MGAM: variants seen among roughly 807,000 people sequenced by gnomAD.
MGAM encodes maltase-glucoamylase.
MGAM carries 253 observed loss-of-function variants against 358.8 expected under a neutral mutation model. The observed-to-expected ratio is 0.71, with a 90% CI of 0.64 to 0.78. The LOEUF is 0.78. MGAM is among the 30% of genes least tolerant of loss of function. The pLI is 0.00. For missense variants in MGAM, 3,080 were observed against 3,432.6 expected, an observed-to-expected ratio of 0.90 and a Z score of 2.57; for synonymous variants, 1,105 against 1,227.1, an observed-to-expected ratio of 0.90 and a Z score of 2.08.
upstream of MGAM, among the ~76,000 whole-genome samples, chr7:141,992,578 G>GT (rs111541173): frequency 1.6e-4 from 25 of 152,142 alleles, no homozygotes; most frequent in Non-Finnish European, 3.2e-4. Flanking sequence ...TGAAGGTCTT[G>GT]TTTTTATTTA....
chr7:142,097,361 G>A (rs1441917908), intron 65 of MGAM, among the ~76,000 whole-genome samples: 2 of 150,456 alleles, frequency 1.3e-5, no homozygotes, highest in Non-Finnish European at 3.0e-5. Flanking sequence ...TTTTTTTCCC[G>A]AAGTCCTGGG....
At chr7:142,030,556 T>C in intron 11 of MGAM, 63 bp downstream of exon 11, 1 of 1,608,654 alleles carries the variant, frequency 6.2e-7, no homozygotes, top group South Asian at 1.1e-5. Flanking sequence ...CACCCATCTC[T>C]CCTGCTTTCT....
chr7:141,998,817 T>C (rs933448225), intron 1 of MGAM, among the ~76,000 whole-genome samples: 2 of 152,188 alleles, frequency 1.3e-5, no homozygotes, highest in Admixed American at 1.3e-4. Flanking sequence ...TTCTAGATCC[T>C]TAAGGAATTG....
At chr7:142,006,990 GC>G (rs1805216337) in intron 2 of MGAM, among the ~76,000 whole-genome samples, 1 of 152,044 alleles carries the variant, frequency 6.6e-6, no homozygotes, top group Non-Finnish European at 1.5e-5. Context: ...TTTCTTTGGG[GC>G]ATTGTCCCCA....
chr7:142,040,293 G>A, intron 20 of MGAM, 122 bp downstream of exon 20: 9 of 789,130 alleles, frequency 1.1e-5, no homozygotes, highest in East Asian at 5.4e-5. Context: ...AGTGTTTTCT[G>A]TAATTTCATA....
rs181846386 is a variant in MGAM, at chr7:142,096,457, G to A, written c.7692+42G>A. The A allele has an allele frequency of 5.1e-5, 81 of 1,603,152 alleles. No homozygotes were observed. In the East Asian group the frequency reaches 1.7e-3, roughly 33 times the overall value. On this transcript the variant is annotated intron_variant, in intron 65 of 70. Coordinates refer to ENST00000475668, the MANE Select transcript of MGAM (RefSeq NM_001365693.1). ...CCGATGAGGGGAGGATCCCAGCTGTGAGGCTTGGGGAAAAGGACGAGGAGA... is the reference window on the plus strand; with the variant it reads ...CCGATGAGGGGAGGATCCCAGCTGTAAGGCTTGGGGAAAAGGACGAGGAGA...
chr7:141,999,508 G>A (rs1489017935), intron 1 of MGAM, among the ~76,000 whole-genome samples: 20 of 152,222 alleles, frequency 1.3e-4, no homozygotes, highest in Admixed American at 5.2e-4. Context: ...TTTATTTGAC[G>A]TTTCTGAAGC....
At chr7:141,994,028 G>A (rs150162137), upstream of MGAM, among the ~76,000 whole-genome samples, 1,077 of 152,134 alleles carry the variant, frequency 7.1e-3, 22 homozygotes, top group Admixed American at 0.029. Flanking sequence ...GGCACGCACC[G>A]CCATGCCCGG....
intron 8 of MGAM, among the ~76,000 whole-genome samples, chr7:142,025,378 T>C (rs1333356351): frequency 1.2e-4 from 18 of 152,218 alleles, no homozygotes; most frequent in Non-Finnish European, 2.4e-4. Flanking sequence ...TGGTGGCCTC[T>C]GTTGGAATAT....
chr7:142,037,368 A>G (rs1554466440), intron 18 of MGAM, among the ~76,000 whole-genome samples: 1 of 152,202 alleles, frequency 6.6e-6, no homozygotes, highest in Non-Finnish European at 1.5e-5. Flanking sequence ...TAATGCCAGA[A>G]CTATGTTCAA....
intron 1 of MGAM, among the ~76,000 whole-genome samples, 176 bp downstream of exon 1, chr7:141,996,106 C>T (rs932783268): frequency 7.9e-5 from 12 of 151,898 alleles, no homozygotes; most frequent in East Asian, 7.8e-4. Flanking sequence ...ATCAGGAGAT[C>T]GAGACCATGG....
intron 68 of MGAM, among the ~76,000 whole-genome samples, chr7:142,101,604 A>G (rs1816446936): frequency 6.6e-6 from 1 of 151,950 alleles, no homozygotes; most frequent in Non-Finnish European, 1.5e-5. Context: ...GTGGTGAGTC[A>G]TTTAGAAAAG....
chr7:142,041,911 A>G (rs1475816892), intron 21 of MGAM, among the ~76,000 whole-genome samples: 1 of 25,612 alleles, frequency 3.9e-5, no homozygotes, highest in South Asian at 8.1e-4. Context: ...TATATTATAT[A>G]TATACGTATA....
intron 22 of MGAM, among the ~76,000 whole-genome samples, chr7:142,048,964 C>G (rs73542759): frequency 0.021 from 3,224 of 152,180 alleles, 126 homozygotes; most frequent in African/African-American, 0.071. Context: ...ATCCCCAGAA[C>G]CTATTCATCT....
intron 21 of MGAM, among the ~76,000 whole-genome samples, chr7:142,043,646 T>C (rs1809414657): frequency 7.4e-6 from 1 of 134,874 alleles, no homozygotes; most frequent in South Asian, 2.2e-4. Flanking sequence ...ACATATACTA[T>C]CTAATATATA....
In MGAM at chr7:142,092,526, G is replaced by A. The variant is rs755606906; in HGVS notation, c.6951G>A (p.Met2317Ile). 3.9e-6 allele frequency: 6 copies of A among 1,546,772 alleles called. No homozygotes were observed. The Admixed American group carries it at 8.7e-5, about 22-fold the overall frequency. Residue 2317 changes from methionine to isoleucine, a missense_variant, in exon 59 of 71, where the codon ATG becomes ATA. By Grantham distance (10) the Met-to-Ile change is conservative. This residue lies in a region of MGAM where 932 missense variants were observed against 1,198.2 expected (regional missense o/e 0.78). Coordinates refer to ENST00000475668, the MANE Select transcript of MGAM (RefSeq NM_001365693.1). ...TCTGTGTTTGGCATTTCTAGGATATGAATGAACCATCAAGCTTCGTGAATG... is the reference window on the plus strand; with the variant it reads ...TCTGTGTTTGGCATTTCTAGGATATAAATGAACCATCAAGCTTCGTGAATG... Reference protein sequence around the residue: ...SLKFDGMWIDMNEPSSFVNGA... With the variant: ...SLKFDGMWIDINEPSSFVNGA...
At chr7:142,087,510 A>T (rs1814871249) in intron 57 of MGAM, among the ~76,000 whole-genome samples, 1 of 146,276 alleles carries the variant, frequency 6.8e-6, no homozygotes, top group African/African-American at 2.4e-5. Flanking sequence ...ACCCACAGGC[A>T]GGATTCTTAG....
At chr7:142,042,723 A>G (rs1409869805) in intron 21 of MGAM, among the ~76,000 whole-genome samples, 1 of 71,042 alleles carries the variant, frequency 1.4e-5, no homozygotes, top group Non-Finnish European at 2.3e-5. Context: ...TATTACATAT[A>G]TTATATATAC....
Position 142,094,841 on chromosome 7 carries a change from A to G in MGAM, c.7436A>G (p.Asn2479Ser). Residue 2479 changes from asparagine (N) to serine (S), a missense_variant, in exon 63 of 71, where the codon AAC becomes AGC. Physicochemically the swap from Asn to Ser is conservative, Grantham distance 46 (BLOSUM62 1). Coordinates refer to ENST00000475668, the MANE Select transcript of MGAM (RefSeq NM_001365693.1). ...GGGGCCTTTTACCCCTTCTCAAGAA[A>G]CCACAACACCATTGGGACCAGGGTA... ...QLGAFYPFSR[N>S]HNTIGTRRQD... The G allele has an allele frequency of 6.2e-7, 1 of 1,613,956 alleles. No individual in the cohort carries two copies. The highest frequency in any genetic ancestry group is 8.5e-7 in the Non-Finnish European group (1 of 1,179,876).
Sources: allele counts gnomAD v4.1 joint callset (sites outside exome capture counted in the v4.1 genomes callset), GRCh38; gene constraint gnomAD v4.1.1; regional missense constraint gnomAD v4.1.1; transcripts MANE v1.5; gene names NCBI Gene and HGNC (gene_info 2026-07-23, HGNC 2026-07-21).